Variants in USP15 observed in about 807,000 individuals in gnomAD.
USP15 encodes the protein ubiquitin carboxyl-terminal hydrolase 15.
USP15 carries 18 observed loss-of-function variants against 127.1 expected under a neutral mutation model. The observed-to-expected ratio is 0.14, with a 90% CI of 0.10 to 0.21. USP15 has a LOEUF of 0.21. Among genes scored for constraint, USP15 ranks in the 10% least tolerant of loss-of-function variants. The pLI, the probability that USP15 is intolerant of heterozygous loss-of-function variation, is 1.00. For synonymous variants in USP15, 364 were observed against 393.7 expected (o/e 0.92, Z 0.89); for missense variants, 805 against 1,159.9 (o/e 0.69, Z 4.44).
chr12:62,321,407 A>ATG (rs2137280734), intron 4 of USP15, 57 bp from the exon 5 acceptor site: 1 of 1,107,360 alleles, frequency 9.0e-7, no homozygotes, highest in East Asian at 2.9e-5. Flanking sequence ...ATTTAGCTGT[A>ATG]TGTGGTATAT....
Position 62,302,817 on chromosome 12 carries a change from A to C in USP15, c.245A>C (p.His82Pro), listed in dbSNP as rs2064355926. The change falls in exon 3 of 22, where the codon CAC (histidine) becomes CCC (proline). Residue 82 changes from histidine to proline, a missense_variant. Coordinates refer to ENST00000280377, the MANE Select transcript of USP15 (RefSeq NM_001252078.2). The part of the protein sequence containing the change: ...KDGDAQSLKE[H>P]LIDELDYILL... The stretch of plus-strand genomic sequence containing the variant: ...GGTGATGCCCAGTCACTTAAGGAAC[A>C]CCTTATTGATGAATTGGATTACATA... The C allele has an allele frequency of 1.9e-6, 3 of 1,611,416 alleles. No homozygotes were observed. Among genetic ancestry groups the C allele is most frequent in the Non-Finnish European group, 2.5e-6 (3 of 1,178,392 alleles).
At position 62,389,464 on chromosome 12, in the gene USP15, T is replaced by C. The variant is rs375894804; in HGVS notation, c.1507T>C (p.Leu503=). Residue 503 remains leucine (L), a synonymous_variant, in exon 12 of 22, where the codon TTA becomes CTA. Transcript: ENST00000280377. ...GGTTGTCCCCAAAATTGGAAACATA[T>C]TAGATCTTTGTACAGCATTGTCTGC... ...KVVVPKIGNI[L]DLCTALSALS... 31 of 1,613,346 alleles carry C rather than the reference T, an allele frequency of 1.9e-5. No individual in the cohort carries two copies. Among genetic ancestry groups the C allele is most frequent in the African/African-American group, 2.7e-5 (2 of 75,026 alleles).
chr12:62,294,872 G>A (rs1349514624), intron 2 of USP15, among the ~76,000 whole-genome samples: 1 of 152,074 alleles, frequency 6.6e-6, no homozygotes, highest in Non-Finnish European at 1.5e-5. Flanking sequence ...TCTAACAGTG[G>A]TTCTCAAAAC....
chr12:62,269,699 G>T (rs1311372538), intron 1 of USP15, among the ~76,000 whole-genome samples: 1 of 152,032 alleles, frequency 6.6e-6, no homozygotes, highest in Non-Finnish European at 1.5e-5. Context: ...GGGATTATAG[G>T]CATGAGCCAC....
chr12:62,352,367 G>A (rs1032563844), intron 7 of USP15, among the ~76,000 whole-genome samples: 3 of 151,660 alleles, frequency 2.0e-5, no homozygotes, highest in Admixed American at 6.6e-5. Context: ...TGTGTATTTG[G>A]TTTTGCCTCA....
chr12:62,362,077 A>G (rs2066334968), intron 8 of USP15, among the ~76,000 whole-genome samples: 1 of 152,062 alleles, frequency 6.6e-6, no homozygotes, highest in African/African-American at 2.4e-5. Context: ...GTTAGGGCAT[A>G]AGAATCTCTA....
Position 62,396,535 on chromosome 12 carries a change from G to A in USP15, c.2674+137G>A, listed in dbSNP as rs2067496045. On this transcript the variant is annotated intron_variant, in intron 20 of 21. Transcript: ENST00000280377. ...ATATAGTAGTTCAGTATTGATTAAT[G>A]AATGAGTCAGCTTTTGAACCTTTTT... is the stretch of plus-strand genomic sequence containing the variant. 4.2e-6 allele frequency: 3 copies of A among 722,726 alleles called. No individual in the cohort carries two copies. The Admixed American group carries it at 7.8e-5, about 19-fold the overall frequency. The allele number at this position is 722,726 out of a possible 1,614,324, so 44.8% of individuals were successfully genotyped here.
In USP15 at chr12:62,415,015, A is replaced by T. The variant is rs949305888; in HGVS notation, c.*10640A>T. On this transcript the variant is annotated 3_prime_UTR_variant, in exon 22 of 22. Coordinates refer to ENST00000280377, the MANE Select transcript of USP15 (RefSeq NM_001252078.2). ...TATATGTACATATATATATATATAT[A>T]TGAGGGAGAGAAAGATTTATAAGGA... The T allele has an allele frequency of 8.8e-6, 1 of 114,014 alleles. No homozygotes were observed. The highest frequency in any genetic ancestry group is 7.9e-5 in the Admixed American group (1 of 12,628). 7.1% of individuals were successfully genotyped at this position (114,014 alleles called of 1,614,324 possible). A position where few individuals can be genotyped will look rare whatever the true frequency, so the allele number is the denominator to read the frequency against.
intron 4 of USP15, among the ~76,000 whole-genome samples, chr12:62,319,699 CAAT>C (rs924102664): frequency 2.0e-5 from 3 of 152,030 alleles, no homozygotes; most frequent in African/African-American, 7.3e-5. Context: ...TCACAAAACT[CAAT>C]GAAGAGGAAA....
At chr12:62,368,228 A>C (rs926812250) in intron 8 of USP15, among the ~76,000 whole-genome samples, 5 of 152,262 alleles carry the variant, frequency 3.3e-5, no homozygotes, top group East Asian at 3.9e-4. Flanking sequence ...TTTACTTCTT[A>C]TTATTTGGTC....
chr12:62,333,473 G>GT (rs2065364949), intron 6 of USP15, among the ~76,000 whole-genome samples: 1 of 151,864 alleles, frequency 6.6e-6, no homozygotes, highest in South Asian at 2.1e-4. Context: ...GTTTTGTTTT[G>GT]TTTTTATAAA....
intron 1 of USP15, among the ~76,000 whole-genome samples, chr12:62,277,266 C>T (rs1049667745): frequency 1.3e-4 from 20 of 152,026 alleles, no homozygotes; most frequent in African/African-American, 4.6e-4. Context: ...TATATATTTC[C>T]TAACCATTCA....
At chr12:62,382,778 A>G (rs1363257660) in intron 9 of USP15, among the ~76,000 whole-genome samples, 1 of 151,942 alleles carries the variant, frequency 6.6e-6, no homozygotes, top group African/African-American at 2.4e-5. Context: ...CCTTTTGCGC[A>G]TAGAAACTAA....
At chr12:62,352,891 CT>C (rs1208369785) in intron 7 of USP15, among the ~76,000 whole-genome samples, 1 of 151,776 alleles carries the variant, frequency 6.6e-6, no homozygotes, top group Non-Finnish European at 1.5e-5. Context: ...CAGAATTAAT[CT>C]AATATAATAT....
chr12:62,409,291 AG>A lies in USP15; in HGVS notation c.*4918del, dbSNP rs1173595894. On this transcript the variant is annotated 3_prime_UTR_variant, in exon 22 of 22. Coordinates refer to ENST00000280377, the MANE Select transcript of USP15 (RefSeq NM_001252078.2). ...CTGGCTAAGCCATTCAAGGAAAATCAGGAATTTACGTAATATATTGGACTAC... is the reference window on the plus strand; with the variant it reads ...CTGGCTAAGCCATTCAAGGAAAATCAGAATTTACGTAATATATTGGACTAC... 2 of 152,158 alleles carry A rather than the reference AG, an allele frequency of 1.3e-5. No homozygotes were observed. The highest frequency in any genetic ancestry group is 4.8e-5 in the African/African-American group (2 of 41,446). The allele number at this position is 152,158 out of a possible 1,614,324, so 9.4% of individuals were successfully genotyped here.
At chr12:62,343,030 C>A (rs185994430) in intron 6 of USP15, among the ~76,000 whole-genome samples, 3 of 152,210 alleles carry the variant, frequency 2.0e-5, no homozygotes, top group African/African-American at 7.2e-5. Context: ...GTCCCTCCCC[C>A]CAGTGTCTCT....
intron 1 of USP15, chr12:62,274,386 T>C (rs1162853078): frequency 6.8e-6 from 1 of 147,284 alleles, no homozygotes; most frequent in African/African-American, 2.5e-5. Context: ...TATCTGAAAA[T>C]TGTCAGCATA....
rs940275041 is a variant in USP15, at chr12:62,410,969, A to G, written c.*6594A>G. The G allele has an allele frequency of 6.6e-6, 1 of 152,076 alleles. No individual in the cohort carries two copies. The highest frequency in any genetic ancestry group is 1.5e-5 in the Non-Finnish European group (1 of 68,026). 9.4% of individuals were successfully genotyped at this position (152,076 alleles called of 1,614,324 possible). A position where few individuals can be genotyped will look rare whatever the true frequency, so the allele number is the denominator to read the frequency against. Reference sequence around the variant, plus strand: ...AGGGATATTAGAATCCAATTATATGAGACTGCATCCTCAACAGGCACCTTG... The same window carrying G: ...AGGGATATTAGAATCCAATTATATGGGACTGCATCCTCAACAGGCACCTTG... On this transcript the variant is annotated 3_prime_UTR_variant, in exon 22 of 22. Transcript: ENST00000280377.
intron 18 of USP15, 47 bp downstream of exon 18, chr12:62,392,434 AT>A: frequency 7.4e-7 from 1 of 1,354,224 alleles, no homozygotes. Flanking sequence ...TTAAGGATTT[AT>A]TCTGAGATAT....
Sources: allele counts gnomAD v4.1 joint callset (sites outside exome capture counted in the v4.1 genomes callset), GRCh38; gene constraint gnomAD v4.1.1; transcripts MANE v1.5; gene names NCBI Gene and HGNC (gene_info 2026-07-23, HGNC 2026-07-21).